Variants in PPL observed in about 807,000 individuals in gnomAD.
The protein encoded by PPL is periplakin, also known as 190 kDa paraneoplastic pemphigus antigen.
In PPL, 198 loss-of-function variants were observed where a neutral mutation model predicts 194.4. The ratio of observed to expected loss-of-function variants is 1.02; its 90% CI spans 0.91 to 1.15. The LOEUF is 1.15. Ranked by LOEUF, PPL falls within the 50% of genes most tolerant of loss-of-function variation. PPL has a pLI of 0.00. For missense variants in PPL, 2,885 were observed against 2,294.8 expected (o/e 1.26, Z -5.25); for synonymous variants, 1,220 against 972.4 (o/e 1.25, Z -4.74).
At chr16:4,887,053 C>T in intron 21 of PPL, 82 bp downstream of exon 21, 4 of 1,223,088 alleles carry the variant, frequency 3.3e-6, no homozygotes, top group Non-Finnish European at 4.8e-6. Context: ...CATCAATTCA[C>T]AAACCATTTC....
intron 1 of PPL, 25 bp downstream of exon 1, chr16:4,936,959 A>C: frequency 6.3e-7 from 1 of 1,581,008 alleles, no homozygotes; most frequent in South Asian, 1.1e-5. Context: ...AGCGTCCCGG[A>C]GCGGAGCTGT....
Position 4,883,251 on chromosome 16 carries a change from G to A in PPL, c.*133C>T. 1 of 1,266,796 alleles carries A rather than the reference G, an allele frequency of 7.9e-7. No homozygotes were observed. Among genetic ancestry groups the A allele is most frequent in the Non-Finnish European group, 1.1e-6 (1 of 909,960 alleles). 78.5% of individuals were successfully genotyped at this position (1,266,796 alleles called of 1,614,324 possible). ...GTCTCATATGTGGGCGGGACTCTGA[G>A]CAGCCTGGCAGCGAGGGTATGTATA... is the stretch of plus-strand genomic sequence containing the variant. On this transcript the variant is annotated 3_prime_UTR_variant, in exon 22 of 22. Transcript: ENST00000345988. The surrounding 1 kb of genome is among the most constrained non-coding windows in gnomAD (Gnocchi z 4.8).
rs765857411 is a variant in PPL, at chr16:4,903,988, A to G, written c.215T>C (p.Leu72Pro). 2 of 1,613,718 alleles carry G rather than the reference A, an allele frequency of 1.2e-6. No individual in the cohort carries two copies. The highest frequency in any genetic ancestry group is 1.1e-5 in the South Asian group (1 of 91,086). The stretch of plus-strand genomic sequence containing the variant: ...CTTCTCAGAGTCCAACACCTTCTGC[A>G]GGGTCACGTCCCGGTGCTCAGGCTG... The part of the protein sequence containing the change: ...GRQPEHRDVT[L>P]QKVLDSEKLL... Residue 72 changes from leucine to proline, a missense_variant, in exon 3 of 22, where the codon CTG becomes CCG. Coordinates refer to ENST00000345988, the MANE Select transcript of PPL (RefSeq NM_002705.5).
In PPL at chr16:4,885,007, C is replaced by T. The variant is rs1485411697; in HGVS notation, c.3648G>A (p.Leu1216=). 2 of 1,613,898 alleles carry T rather than the reference C, an allele frequency of 1.2e-6. No homozygotes were observed. The highest frequency in any genetic ancestry group is 2.7e-5 in the African/African-American group (2 of 74,924). ...EEQLRSYQSE[L]EALRRRGPQV... ...GGGGGCCTCGCCTCCTGAGGGCCTC[C>T]AGCTCACTCTGGTAGCTCCGGAGCT... The change falls in exon 22 of 22, where the codon CTG becomes CTA. Residue 1216 remains leucine, a synonymous_variant. Transcript: ENST00000345988. The surrounding 1 kb of genome is among the most constrained non-coding windows in gnomAD (Gnocchi z 6.3).
In PPL at chr16:4,882,591, A is replaced by G. The variant is rs1296369701; in HGVS notation, c.*793T>C. 1 of 152,242 alleles carries G rather than the reference A, an allele frequency of 6.6e-6. No individual in the cohort carries two copies. The highest frequency in any genetic ancestry group is 1.5e-5 in the Non-Finnish European group (1 of 68,060). 9.4% of individuals were successfully genotyped at this position (152,242 alleles called of 1,614,324 possible). A position where few individuals can be genotyped will look rare whatever the true frequency, so the allele number is the denominator to read the frequency against. On this transcript the variant is annotated 3_prime_UTR_variant, in exon 22 of 22. Coordinates refer to ENST00000345988, the MANE Select transcript of PPL (RefSeq NM_002705.5). Reference sequence around the variant, plus strand: ...ATTAGTTCCCATTTTCTTATGTTCTACATGAGATACAGAGACCCAGATATT... The same window carrying G: ...ATTAGTTCCCATTTTCTTATGTTCTGCATGAGATACAGAGACCCAGATATT...
At chr16:4,917,845 T>G (rs375954649) in intron 1 of PPL, among the ~76,000 whole-genome samples, 3 of 152,192 alleles carry the variant, frequency 2.0e-5, no homozygotes, top group African/African-American at 7.2e-5. Context: ...GAGGCTGCAG[T>G]GAGCCGAGAT....
At chr16:4,935,857 C>T (rs1417192349) in intron 1 of PPL, among the ~76,000 whole-genome samples, 3 of 152,246 alleles carry the variant, frequency 2.0e-5, no homozygotes, top group East Asian at 3.9e-4. Context: ...ACAGTGGGGG[C>T]TCCCAGTGAG....
chr16:4,928,723 C>G (rs752283066), intron 1 of PPL, among the ~76,000 whole-genome samples: 32 of 152,152 alleles, frequency 2.1e-4, no homozygotes, highest in Non-Finnish European at 3.8e-4. Context: ...ATAAGAAACT[C>G]TATTTGGCTG....
At chr16:4,935,955 G>A (rs1449335741) in intron 1 of PPL, among the ~76,000 whole-genome samples, 3 of 152,174 alleles carry the variant, frequency 2.0e-5, no homozygotes, top group Non-Finnish European at 4.4e-5. Context: ...CGAGAAGCTG[G>A]CAAAATGGTC....
chr16:4,884,209 G>A lies in PPL; in HGVS notation c.4446C>T (p.Thr1482=), dbSNP rs1427295551. ...CCAGTGCAGCCAGTTTCCTCCGGAGGGTCTCGAGCTCCCCCTCCAGGAGCT... is the reference window on the plus strand; with the variant it reads ...CCAGTGCAGCCAGTTTCCTCCGGAGAGTCTCGAGCTCCCCCTCCAGGAGCT... ...RRQLLEGELE[T]LRRKLAALEK... Residue 1482 remains threonine, a synonymous_variant, in exon 22 of 22, where the codon ACC becomes ACT. Coordinates refer to ENST00000345988, the MANE Select transcript of PPL (RefSeq NM_002705.5). The surrounding 1 kb of genome is among the most constrained non-coding windows in gnomAD (Gnocchi z 5.7). The A allele has an allele frequency of 1.3e-5, 21 of 1,613,742 alleles. No individual in the cohort carries two copies. The Admixed American group carries it at 3.5e-4, about 27-fold the overall frequency.
chr16:4,887,126 A>G lies in PPL; in HGVS notation c.2607+9T>C, dbSNP rs1435389011. On this transcript the variant is annotated intron_variant, in intron 21 of 21. Coordinates refer to ENST00000345988, the MANE Select transcript of PPL (RefSeq NM_002705.5). ...GCCTGAAGTAGAATTTCTTACTAAGATCAGTTACCTGTCTGAGGAGATTCA... is the reference window on the plus strand; with the variant it reads ...GCCTGAAGTAGAATTTCTTACTAAGGTCAGTTACCTGTCTGAGGAGATTCA... 5 of 1,599,430 alleles carry G rather than the reference A, an allele frequency of 3.1e-6. No individual in the cohort carries two copies. In the Admixed American group the frequency reaches 8.3e-5, roughly 27 times the overall value.
intron 16 of PPL, 67 bp from the exon 17 acceptor site, chr16:4,890,988 A>C (rs2471843): frequency 0.99 from 1,362,954 of 1,381,036 alleles, 674,326 homozygotes; most frequent in East Asian, 1. Flanking sequence ...GATGACACCC[A>C]CTGAAGCCCC....
Position 4,883,236 on chromosome 16 carries a change from TG to T in PPL, c.*147del. The T allele has an allele frequency of 9.6e-7, 1 of 1,041,850 alleles. No individual in the cohort carries two copies. 64.5% of individuals were successfully genotyped at this position (1,041,850 alleles called of 1,614,324 possible). On this transcript the variant is annotated 3_prime_UTR_variant, in exon 22 of 22. Transcript: ENST00000345988. This position sits in a 1 kb window ranked among gnomAD's most constrained non-coding sequence, Gnocchi z 4.8. ...CTTCAGCCAGTGCCTGTCTCATATG[TG>T]GGCGGGACTCTGAGCAGCCTGGCAG...
intron 21 of PPL, among the ~76,000 whole-genome samples, chr16:4,886,590 A>G (rs540948030): frequency 2.6e-5 from 4 of 152,212 alleles, no homozygotes; most frequent in Admixed American, 1.3e-4. Context: ...AACATCATGG[A>G]CTTCAGAAAA....
intron 1 of PPL, among the ~76,000 whole-genome samples, chr16:4,916,047 A>G (rs150907373): frequency 0.022 from 3,381 of 152,304 alleles, 52 homozygotes; most frequent in Non-Finnish European, 0.032. Flanking sequence ...AAAAAAGACA[A>G]TAACAAGTGT....
chr16:4,894,389 C>A, intron 12 of PPL, 78 bp downstream of exon 12: 3 of 1,555,154 alleles, frequency 1.9e-6, no homozygotes, highest in Non-Finnish European at 2.6e-6. Context: ...GAGTCCAAAT[C>A]CCCGGGGCTA....
Position 4,893,354 on chromosome 16 carries a change from C to T in PPL, c.1509G>A (p.Gln503=), listed in dbSNP as rs2088356541. Residue 503 remains glutamine, a synonymous_variant, in exon 14 of 22, where the codon CAG becomes CAA. Transcript: ENST00000345988. ...CCAAGCCAGCCAGCAGCTGCCGCCC[C>T]TGTAGGTCAGAGGCATCTGTGGAGG... is the stretch of plus-strand genomic sequence containing the variant. ...TENPGDASDL[Q]GRQLLAGLDK... is the part of the protein sequence containing the mutation. 1 of 1,607,436 alleles carries T rather than the reference C, an allele frequency of 6.2e-7. No homozygotes were observed. The highest frequency in any genetic ancestry group is 8.5e-7 in the Non-Finnish European group (1 of 1,179,792).
intron 2 of PPL, among the ~76,000 whole-genome samples, chr16:4,908,611 C>T (rs2088753490): frequency 1.3e-5 from 2 of 152,192 alleles, no homozygotes; most frequent in Non-Finnish European, 2.9e-5. Context: ...CATCTCTGCT[C>T]ACTGCAGCCT....
intron 1 of PPL, among the ~76,000 whole-genome samples, chr16:4,932,580 AT>A (rs952854243): frequency 4.0e-5 from 6 of 151,774 alleles, no homozygotes; most frequent in African/African-American, 1.5e-4. Flanking sequence ...CACCCAGCTA[AT>A]TTTTAATATT....
Sources: gnomAD v4.1 joint callset for allele counts (sites outside exome capture counted in the v4.1 genomes callset) on GRCh38, gnomAD v4.1.1 for gene constraint, Gnocchi (gnomAD v3.1) non-coding constraint, MANE v1.5 for transcripts, NCBI Gene and HGNC (gene_info 2026-07-23, HGNC 2026-07-21) for gene names.